SND1: variants seen among roughly 807,000 people sequenced by gnomAD.
SND1 encodes staphylococcal nuclease domain-containing protein 1.
SND1 carries 38 observed loss-of-function variants against 121.7 expected under a neutral mutation model. That is an observed-to-expected ratio of 0.31 (90% confidence interval 0.24 to 0.41). SND1 has a LOEUF of 0.41. Among genes scored for constraint, SND1 ranks in the 10% least tolerant of loss-of-function variants. The pLI is 1.00. For missense variants in SND1, 868 were observed against 1,184.6 expected, an observed-to-expected ratio of 0.73 and a Z score of 3.92; for synonymous variants, 401 against 447.4, an observed-to-expected ratio of 0.90 and a Z score of 1.31.
At chr7:127,741,355 G>C (rs915566857) in intron 10 of SND1, among the ~76,000 whole-genome samples, 2 of 152,176 alleles carry the variant, frequency 1.3e-5, no homozygotes, top group African/African-American at 2.4e-5. Flanking sequence ...ATGGCTCCTT[G>C]AAATGCCCTT....
At chr7:127,960,822 A>G (rs924734190) in intron 15 of SND1, among the ~76,000 whole-genome samples, 21 of 152,226 alleles carry the variant, frequency 1.4e-4, no homozygotes, top group African/African-American at 4.8e-4. Flanking sequence ...CTGCAGTGCT[A>G]CAGTGAAATT....
chr7:127,715,620 C>T (rs1249407578), intron 9 of SND1, among the ~76,000 whole-genome samples: 1 of 152,042 alleles, frequency 6.6e-6, no homozygotes, highest in Admixed American at 6.5e-5. Context: ...TAGGAGTTCT[C>T]TATATATTCT....
Position 127,783,865 on chromosome 7 carries a change from G to T in SND1, c.1153-23619G>T, listed in dbSNP as rs1455444984. The stretch of plus-strand genomic sequence containing the variant: ...TATGGTTTAGACTTGGATAATTAAT[G>T]TTCCTTAAGGTGGGGACCTATACCA... On this transcript the variant is annotated intron_variant, in intron 10 of 23. Coordinates refer to ENST00000354725, the MANE Select transcript of SND1 (RefSeq NM_014390.4). 2.6e-5 allele frequency among the ~76,000 whole-genome samples: 4 copies of T among 152,276 alleles called. No individual in the cohort carries two copies. In the East Asian group the frequency reaches 7.7e-4, roughly 29 times the overall value.
At position 127,814,914 on chromosome 7, in the gene SND1, A is replaced by G. The variant is rs115120775; in HGVS notation, c.1242+7341A>G. Among the ~76,000 whole-genome samples, 1,169 of 152,332 alleles carry G rather than the reference A, an allele frequency of 7.7e-3. 16 individuals are homozygous for G. The highest frequency in any genetic ancestry group is 0.027 in the African/African-American group (1,112 of 41,552). ...GTGATATTTTAAAGGCTACATCTTC[A>G]TAATTTGGGTCATGTAGTTGTAAGT... On this transcript the variant is annotated intron_variant, in intron 11 of 23. Transcript: ENST00000354725.
At chr7:127,698,230 C>T (rs1024381529) in intron 3 of SND1, among the ~76,000 whole-genome samples, 1 of 152,066 alleles carries the variant, frequency 6.6e-6, no homozygotes, top group Admixed American at 6.6e-5. Flanking sequence ...TCTTGGTGTC[C>T]TCTTGGAGCA....
intron 4 of SND1, among the ~76,000 whole-genome samples, chr7:127,700,295 T>A (rs1011403477): frequency 6.6e-6 from 1 of 152,172 alleles, no homozygotes; most frequent in Non-Finnish European, 1.5e-5. Context: ...TCATCTAATT[T>A]TGACTGTGAA....
At chr7:127,965,089 T>G (rs1801826248) in intron 15 of SND1, among the ~76,000 whole-genome samples, 1 of 29,782 alleles carries the variant, frequency 3.4e-5, no homozygotes, top group Non-Finnish European at 6.1e-5. Context: ...TGCTTGTGAT[T>G]TTTGTACATT....
At chr7:127,663,377 C>CTT (rs71522252) in intron 1 of SND1, among the ~76,000 whole-genome samples, 5 of 142,958 alleles carry the variant, frequency 3.5e-5, no homozygotes, top group Admixed American at 6.9e-5. Flanking sequence ...TACTGTACTT[C>CTT]TTTTTTTTTT....
At chr7:127,827,574 T>C (rs1798665228) in intron 11 of SND1, among the ~76,000 whole-genome samples, 1 of 152,240 alleles carries the variant, frequency 6.6e-6, no homozygotes, top group Non-Finnish European at 1.5e-5. Context: ...TAACTATGGA[T>C]TGTTTTTCTA....
At chr7:127,772,377 C>T (rs982767628) in intron 10 of SND1, among the ~76,000 whole-genome samples, 7 of 152,120 alleles carry the variant, frequency 4.6e-5, no homozygotes, top group Admixed American at 3.3e-4. Flanking sequence ...CTGTAAATAG[C>T]GGTTGTCCCT....
At chr7:127,708,085 A>G (rs1424822713) in intron 9 of SND1, among the ~76,000 whole-genome samples, 10 of 152,238 alleles carry the variant, frequency 6.6e-5, no homozygotes, top group Admixed American at 4.6e-4. Flanking sequence ...TCTGTTTATC[A>G]CTTTTGGTCT....
intron 14 of SND1, among the ~76,000 whole-genome samples, chr7:127,906,513 G>GA (rs1409585305): frequency 2.0e-5 from 3 of 152,150 alleles, no homozygotes; most frequent in African/African-American, 4.8e-5. Flanking sequence ...CTCAGCAGGA[G>GA]AAAAAAGTTA....
At chr7:127,798,724 G>A (rs974981688) in intron 10 of SND1, among the ~76,000 whole-genome samples, 1 of 152,020 alleles carries the variant, frequency 6.6e-6, no homozygotes, top group Non-Finnish European at 1.5e-5. Flanking sequence ...CATTTTTGTG[G>A]CCTGGAGACC....
At chr7:127,862,400 T>C (rs1398807230) in intron 12 of SND1, among the ~76,000 whole-genome samples, 1 of 152,154 alleles carries the variant, frequency 6.6e-6, no homozygotes, top group Non-Finnish European at 1.5e-5. Context: ...CAATTCCCCA[T>C]TTGCAGCATA....
At chr7:127,664,255 C>A (rs1353178793) in intron 1 of SND1, among the ~76,000 whole-genome samples, 1 of 152,166 alleles carries the variant, frequency 6.6e-6, no homozygotes, top group East Asian at 1.9e-4. Flanking sequence ...GGATTACAGG[C>A]GTGAGCCACT....
chr7:127,990,900 C>G, intron 15 of SND1, 47 bp from the exon 16 acceptor site: 2 of 1,400,006 alleles, frequency 1.4e-6, no homozygotes, highest in Non-Finnish European at 2.0e-6. Context: ...GACAGCAAGC[C>G]TAGTGGGCAC....
intron 10 of SND1, among the ~76,000 whole-genome samples, chr7:127,790,520 G>T (rs1349820964): frequency 6.6e-6 from 1 of 152,170 alleles, no homozygotes; most frequent in Non-Finnish European, 1.5e-5. Flanking sequence ...GCCATTTTTA[G>T]TGGTGTGGCC....
At chr7:128,007,439 C>T (rs531196761) in intron 16 of SND1, among the ~76,000 whole-genome samples, 15 of 152,308 alleles carry the variant, frequency 9.8e-5, no homozygotes, top group African/African-American at 3.6e-4. Flanking sequence ...CAGCAAACTA[C>T]AGACCAGGCC....
chr7:127,909,604 C>T (rs1179759072), intron 14 of SND1, among the ~76,000 whole-genome samples: 1 of 152,038 alleles, frequency 6.6e-6, no homozygotes, highest in Non-Finnish European at 1.5e-5. Flanking sequence ...TCTACAGGTG[C>T]ACACCATCAC....
Sources: allele counts gnomAD v4.1 joint callset (sites outside exome capture counted in the v4.1 genomes callset), GRCh38; gene constraint gnomAD v4.1.1; transcripts MANE v1.5; gene names NCBI Gene and HGNC (gene_info 2026-07-23, HGNC 2026-07-21).